The following DNAH6 variants were observed in gnomAD, a reference collection of about 807,000 sequenced individuals.
DNAH6 encodes the protein dynein axonemal heavy chain 6.
A neutral mutation model predicts 491.4 loss-of-function variants in DNAH6; 340 were observed. The observed-to-expected ratio is 0.69, with a 90% CI of 0.63 to 0.76. DNAH6 has a LOEUF of 0.76. Among genes scored for constraint, DNAH6 ranks in the 30% least tolerant of loss-of-function variants. The pLI, the probability that DNAH6 is intolerant of heterozygous loss-of-function variation, is 0.00. For synonymous variants in DNAH6, 1,603 were observed against 1,686.1 expected (o/e 0.95, Z 1.21); for missense variants, 4,443 against 4,972.2 (o/e 0.89, Z 3.20).
At chr2:84,546,200 G>A (rs1184946960) in intron 5 of DNAH6, among the ~76,000 whole-genome samples, 4 of 152,120 alleles carry the variant, frequency 2.6e-5, no homozygotes, top group South Asian at 2.1e-4. Flanking sequence ...CAGTGTCTTG[G>A]GGAACTGGTT....
chr2:84,496,007 T>C, the DNAH6 span, among the ~76,000 whole-genome samples: 57 of 152,328 alleles, frequency 3.7e-4, no homozygotes, highest in African/African-American at 1.2e-3. Flanking sequence ...GTATAAATTA[T>C]ATGACGCCTC....
rs149011916 is a variant in DNAH6, at chr2:84,670,106, A to G, written c.6307-222A>G. Among the ~76,000 whole-genome samples the G allele has an allele frequency of 5.0e-3, 756 of 152,332 alleles. 6 individuals are homozygous for G. Among genetic ancestry groups the G allele is most frequent in the African/African-American group, 0.017 (721 of 41,562 alleles). ...GTAGCCAAGATGGATTTTGGCATGA[A>G]ACTAAATTAAAACTTTTTGCTAAGA... is the stretch of plus-strand genomic sequence containing the variant. On this transcript the variant is annotated intron_variant, in intron 38 of 76. Transcript: ENST00000389394.
At chr2:84,549,370 G>A (rs1679102302) in intron 8 of DNAH6, among the ~76,000 whole-genome samples, 1 of 152,186 alleles carries the variant, frequency 6.6e-6, no homozygotes, top group Admixed American at 6.5e-5. Flanking sequence ...CACTTGAGCA[G>A]AATAGTACTA....
chr2:84,577,239 G>A lies in DNAH6; in HGVS notation c.1925-18G>A. ...CAATATGGTATATTTTATGCTTTATGTGAATTTTTTTATGTAGATATTAAC... is the reference window on the plus strand; with the variant it reads ...CAATATGGTATATTTTATGCTTTATATGAATTTTTTTATGTAGATATTAAC... On this transcript the variant is annotated intron_variant, in intron 12 of 76. Transcript: ENST00000389394. 3 of 1,501,104 alleles carry A rather than the reference G, an allele frequency of 2.0e-6. No homozygotes were observed. Among genetic ancestry groups the A allele is most frequent in the Non-Finnish European group, 2.7e-6 (3 of 1,112,216 alleles). The allele number at this position is 1,501,104 out of a possible 1,614,324, so 93.0% of individuals were successfully genotyped here. A position where few individuals can be genotyped will look rare whatever the true frequency, so the allele number is the denominator to read the frequency against.
At position 84,525,555 on chromosome 2, in the gene DNAH6, T is replaced by C. The variant is rs1161836853; in HGVS notation, c.226-10T>C. 1.3e-6 allele frequency: 2 copies of C among 1,532,246 alleles called. No homozygotes were observed. The highest frequency in any genetic ancestry group is 2.5e-5 in the East Asian group (1 of 40,718). 94.9% of individuals were successfully genotyped at this position (1,532,246 alleles called of 1,614,324 possible). On this transcript the variant is annotated splice_polypyrimidine_tract_variant and intron_variant, in intron 2 of 76. Coordinates refer to ENST00000389394, the MANE Select transcript of DNAH6 (RefSeq NM_001370.2). ...TAATAAAAATTAACATGTCTCTCTA[T>C]TTCCCAAAGCCAGTGCTAAAAGTCT...
intron 64 of DNAH6, chr2:84,777,249 A>G (rs1464864777): frequency 9.1e-6 from 2 of 220,250 alleles, no homozygotes; most frequent in East Asian, 2.4e-4. Context: ...TATAACAATA[A>G]ATAAATAAAT....
intron 22 of DNAH6, among the ~76,000 whole-genome samples, 194 bp from the exon 23 acceptor site, chr2:84,616,692 T>C (rs910627806): frequency 3.9e-5 from 6 of 152,166 alleles, no homozygotes; most frequent in African/African-American, 1.4e-4. Flanking sequence ...GTAATTTTTC[T>C]ATTGCCATTA....
At chr2:84,727,046 C>T (rs1279796081) in intron 60 of DNAH6, among the ~76,000 whole-genome samples, 5 of 152,200 alleles carry the variant, frequency 3.3e-5, no homozygotes, top group Admixed American at 6.5e-5. Flanking sequence ...ATTACTTCTA[C>T]ACCCTAAAAA....
At chr2:84,514,826 T>C (rs537621309), upstream of DNAH6, among the ~76,000 whole-genome samples, 3 of 150,436 alleles carry the variant, frequency 2.0e-5, no homozygotes, top group African/African-American at 2.5e-5. Flanking sequence ...TGTAAAACTA[T>C]GTCTGTGTCT....
Position 84,555,908 on chromosome 2 carries a change from C to T in DNAH6, c.1603-1827C>T, listed in dbSNP as rs1003196803. Among the ~76,000 whole-genome samples the T allele has an allele frequency of 3.9e-5, 6 of 152,140 alleles. No individual in the cohort carries two copies. In the East Asian group the frequency reaches 5.8e-4, roughly 15 times the overall value. On this transcript the variant is annotated intron_variant, in intron 10 of 76. Coordinates refer to ENST00000389394, the MANE Select transcript of DNAH6 (RefSeq NM_001370.2). ...CACCCACTCTGCCACTCCTCTCCAT[C>T]GGGACCTCATCATCTCTCTTCTGGC...
At chr2:84,696,843 T>G (rs888037668) in intron 46 of DNAH6, among the ~76,000 whole-genome samples, 6 of 152,234 alleles carry the variant, frequency 3.9e-5, no homozygotes, top group African/African-American at 1.4e-4. Flanking sequence ...CATGCAAATT[T>G]GAAAGAAAAC....
rs143595950 is a variant in DNAH6, at chr2:84,773,764, T to G, written c.10704-7729T>G. On this transcript the variant is annotated intron_variant, in intron 64 of 76. Coordinates refer to ENST00000389394, the MANE Select transcript of DNAH6 (RefSeq NM_001370.2). ...ACCAGCATCTGTTAATTTTTGACTT[T>G]TTAATAATAGCCATTCTGACTGGTG... Among the ~76,000 whole-genome samples, 1,298 of 152,228 alleles carry G rather than the reference T, an allele frequency of 8.5e-3. 21 individuals carry two copies. Among genetic ancestry groups the G allele is most frequent in the African/African-American group, 0.03 (1,245 of 41,550 alleles).
chr2:84,465,323 G>A, the DNAH6 span, among the ~76,000 whole-genome samples: 8 of 152,002 alleles, frequency 5.3e-5, no homozygotes, highest in East Asian at 1.9e-4. Flanking sequence ...GTGAAACCTC[G>A]TCTCTACTAA....
intron 45 of DNAH6, among the ~76,000 whole-genome samples, chr2:84,691,053 T>A (rs1355756130): frequency 6.6e-6 from 1 of 152,194 alleles, no homozygotes; most frequent in East Asian, 1.9e-4. Context: ...GTAGAACAAA[T>A]CTATTAGTCT....
chr2:84,572,344 G>A (rs970832988), intron 11 of DNAH6, among the ~76,000 whole-genome samples: 2 of 152,160 alleles, frequency 1.3e-5, no homozygotes, highest in African/African-American at 4.8e-5. Flanking sequence ...ACACTCTTGT[G>A]AATCATACAT....
chr2:84,524,057 C>T (rs1676383961), intron 2 of DNAH6, among the ~76,000 whole-genome samples: 2 of 151,984 alleles, frequency 1.3e-5, no homozygotes, highest in Admixed American at 6.6e-5. Flanking sequence ...GTTGAAGTCT[C>T]CAACTATTGT....
At chr2:84,740,070 T>C (rs1403224589) in intron 62 of DNAH6, among the ~76,000 whole-genome samples, 1 of 152,096 alleles carries the variant, frequency 6.6e-6, no homozygotes, top group Non-Finnish European at 1.5e-5. Context: ...TTATTCGTTT[T>C]TCCCTTGGGG....
At chr2:84,499,269 C>G in the DNAH6 span, among the ~76,000 whole-genome samples, 1 of 151,710 alleles carries the variant, frequency 6.6e-6, no homozygotes, top group Non-Finnish European at 1.5e-5. Flanking sequence ...ATTTTCAGAT[C>G]CCATAAATAA....
Position 84,688,438 on chromosome 2 carries a change from G to C in DNAH6, c.7138-1G>C. On this transcript the variant is annotated splice_acceptor_variant, in intron 44 of 76. Transcript: ENST00000389394. LOFTEE classifies it high-confidence loss of function. ...CTTGGTTCTTCTCCCATAAATTATA[G>C]TTTGGAGCAGATAAAGCTGATCGGA... 6.7e-7 allele frequency: 1 copy of C among 1,499,994 alleles called. No homozygotes were observed. The highest frequency in any genetic ancestry group is 8.8e-7 in the Non-Finnish European group (1 of 1,131,966). The allele number at this position is 1,499,994 out of a possible 1,614,324, so 92.9% of individuals were successfully genotyped here.
Sources: allele counts gnomAD v4.1 joint callset (sites outside exome capture counted in the v4.1 genomes callset), GRCh38; gene constraint gnomAD v4.1.1; transcripts MANE v1.5; gene names NCBI Gene and HGNC (gene_info 2026-07-23, HGNC 2026-07-21).